KCNH1: variants seen among roughly 807,000 people sequenced by gnomAD.
KCNH1 encodes the protein voltage-gated delayed rectifier potassium channel KCNH1.
Under a neutral mutation model 69.2 loss-of-function variants are expected in KCNH1, and 27 were observed. The observed-to-expected ratio is 0.39, with a 90% CI of 0.29 to 0.54. The LOEUF (loss-of-function observed/expected upper bound fraction) is 0.54. Ranked by LOEUF, KCNH1 falls within the 20% of genes least tolerant of loss-of-function variation. The pLI is 0.68. For synonymous variants in KCNH1, 456 were observed against 487.7 expected (o/e 0.93, Z 0.86); for missense variants, 798 against 1,261.6 (o/e 0.63, Z 5.57).
intron 1 of KCNH1, among the ~76,000 whole-genome samples, chr1:211,122,575 C>A (rs1405767450): frequency 2.0e-5 from 3 of 152,156 alleles, no homozygotes; most frequent in Non-Finnish European, 4.4e-5. Context: ...TGGAACCAAC[C>A]CAAATGCCCA....
intron 5 of KCNH1, among the ~76,000 whole-genome samples, chr1:211,070,920 C>A (rs1266056417): frequency 6.6e-6 from 1 of 151,948 alleles, no homozygotes; most frequent in African/African-American, 2.4e-5. Flanking sequence ...GTTAGGGACA[C>A]CGATGCCCCC....
intron 10 of KCNH1, among the ~76,000 whole-genome samples, chr1:210,772,755 A>T (rs1409248810): frequency 1.3e-5 from 2 of 152,098 alleles, no homozygotes; most frequent in African/African-American, 2.4e-5. Context: ...AGCCTATTTC[A>T]TTCTTTGGGG....
At chr1:211,039,348 G>C (rs983027312) in intron 5 of KCNH1, among the ~76,000 whole-genome samples, 2 of 152,206 alleles carry the variant, frequency 1.3e-5, no homozygotes, top group African/African-American at 4.8e-5. Flanking sequence ...GGCCCTCATG[G>C]AGAACTCCTT....
intron 7 of KCNH1, chr1:210,860,843 G>C (rs1236083123): frequency 2.2e-6 from 2 of 913,568 alleles, no homozygotes; most frequent in Non-Finnish European, 3.7e-6. Context: ...AAATAGTGAA[G>C]TACTCAGCAA....
At chr1:210,701,083 G>A (rs931882760) in intron 10 of KCNH1, among the ~76,000 whole-genome samples, 6 of 152,024 alleles carry the variant, frequency 3.9e-5, no homozygotes, top group South Asian at 2.1e-4. Flanking sequence ...GACTACAGGC[G>A]CCCGCCACCA....
chr1:211,042,838 C>T (rs1184655330), intron 5 of KCNH1, among the ~76,000 whole-genome samples: 4 of 152,160 alleles, frequency 2.6e-5, no homozygotes, highest in Non-Finnish European at 5.9e-5. Flanking sequence ...CATGCAAATA[C>T]ATGGAAATTA....
At chr1:210,821,843 T>TATTC (rs1684936340) in intron 7 of KCNH1, among the ~76,000 whole-genome samples, 1 of 134,426 alleles carries the variant, frequency 7.4e-6, no homozygotes, top group Non-Finnish European at 1.6e-5. Flanking sequence ...TTTATTTATT[T>TATTC]ATTTATTTAA....
chr1:211,126,941 C>T (rs1691787825), intron 1 of KCNH1, among the ~76,000 whole-genome samples: 1 of 150,080 alleles, frequency 6.7e-6, no homozygotes, highest in South Asian at 2.2e-4. Flanking sequence ...TTATCCCACA[C>T]CCAACCTCAC....
chr1:211,113,893 C>G (rs376949689), intron 1 of KCNH1, among the ~76,000 whole-genome samples: 1 of 151,806 alleles, frequency 6.6e-6, no homozygotes, highest in African/African-American at 2.4e-5. Context: ...AGGCAAATAT[C>G]AGACATGAGC....
intron 10 of KCNH1, among the ~76,000 whole-genome samples, chr1:210,758,086 A>T (rs1683437624): frequency 6.6e-6 from 1 of 152,198 alleles, no homozygotes; most frequent in South Asian, 2.1e-4. Flanking sequence ...ACTCAAGAAG[A>T]CCACACTCCC....
chr1:210,693,993 C>T (rs1433866657), intron 10 of KCNH1, among the ~76,000 whole-genome samples: 4 of 152,200 alleles, frequency 2.6e-5, no homozygotes, highest in Admixed American at 6.5e-5. Context: ...TATGTCTCCA[C>T]TCCCAGGAGA....
chr1:211,006,157 G>C (rs1689280414), intron 6 of KCNH1, among the ~76,000 whole-genome samples: 1 of 152,158 alleles, frequency 6.6e-6, no homozygotes, highest in Non-Finnish European at 1.5e-5. Flanking sequence ...TTTGTGCAAA[G>C]CACTCAATGC....
At chr1:210,759,646 T>TA (rs1294812876) in intron 10 of KCNH1, among the ~76,000 whole-genome samples, 1 of 152,030 alleles carries the variant, frequency 6.6e-6, no homozygotes, top group African/African-American at 2.4e-5. Context: ...AAAAGAATTT[T>TA]AAAAAATGAA....
chr1:210,723,230 T>C (rs1282639669), intron 10 of KCNH1, among the ~76,000 whole-genome samples: 1 of 152,202 alleles, frequency 6.6e-6, no homozygotes, highest in Non-Finnish European at 1.5e-5. Flanking sequence ...TTACATTTTT[T>C]AACTTAAGAT....
chr1:211,002,507 A>G (rs927766714), intron 6 of KCNH1, among the ~76,000 whole-genome samples: 4 of 152,054 alleles, frequency 2.6e-5, no homozygotes, highest in African/African-American at 9.7e-5. Flanking sequence ...ATACTATAGG[A>G]TGAAACCCAC....
At chr1:211,001,912 A>C (rs1689187076) in intron 6 of KCNH1, among the ~76,000 whole-genome samples, 1 of 151,964 alleles carries the variant, frequency 6.6e-6, no homozygotes, top group Non-Finnish European at 1.5e-5. Context: ...TATCACAAGG[A>C]CAAAAAACCA....
chr1:210,709,017 G>C (rs1021203254), intron 10 of KCNH1, among the ~76,000 whole-genome samples: 1 of 152,122 alleles, frequency 6.6e-6, no homozygotes, highest in Non-Finnish European at 1.5e-5. Context: ...CTGGGAGGCT[G>C]AGGTGGGTGG....
chr1:210,898,433 G>T (rs966365569), intron 7 of KCNH1, among the ~76,000 whole-genome samples: 5 of 152,154 alleles, frequency 3.3e-5, no homozygotes, highest in African/African-American at 1.2e-4. Context: ...GAGAAACAAG[G>T]CACAGAAGAT....
At chr1:210,952,740 G>T (rs909713271) in intron 6 of KCNH1, among the ~76,000 whole-genome samples, 1 of 152,020 alleles carries the variant, frequency 6.6e-6, no homozygotes. Flanking sequence ...CAAATTAATG[G>T]TTTCTAATTT....
Sources: gnomAD v4.1 joint callset for allele counts (sites outside exome capture counted in the v4.1 genomes callset) on GRCh38, gnomAD v4.1.1 for gene constraint, MANE v1.5 for transcripts, NCBI Gene and HGNC (gene_info 2026-07-23, HGNC 2026-07-21) for gene names.